The following FAM124B variants were observed in gnomAD, a reference collection of about 807,000 sequenced individuals.
FAM124B encodes family with sequence similarity 124 member B.
A neutral mutation model predicts 19.7 loss-of-function variants in FAM124B; 18 were observed. The ratio of observed to expected loss-of-function variants is 0.92; its 90% CI spans 0.63 to 1.36. The LOEUF is 1.36. Among genes scored for constraint, FAM124B ranks in the 40% most tolerant of loss-of-function variants. FAM124B has a pLI of 0.00. For synonymous variants in FAM124B, 223 were observed against 225.2 expected (o/e 0.99, Z 0.09); for missense variants, 540 against 553.3 (o/e 0.98, Z 0.24).
chr2:224,401,580 C>A lies in FAM124B; in HGVS notation c.189G>T (p.Arg63=), dbSNP rs773861371. ...AGAGCAACACGGACATCCCTGGAAA[C>A]CGGGACCGCTTGGAATGGGACTTTT... is the stretch of plus-strand genomic sequence containing the variant. ...YCEKSHSKRS[R]FPGMSVLLFL... Residue 63 remains arginine (R), a synonymous_variant, in exon 1 of 2, where the codon CGG becomes CGT. Transcript: ENST00000409685. 17 of 1,614,056 alleles carry A rather than the reference C, an allele frequency of 1.1e-5. No individual in the cohort carries two copies. The East Asian group carries it at 3.8e-4, about 36-fold the overall frequency.
chr2:224,401,974 G>C lies in FAM124B; in HGVS notation c.-206C>G, dbSNP rs968640124. 8.8e-6 allele frequency: 5 copies of C among 566,312 alleles called. No individual in the cohort carries two copies. Among genetic ancestry groups the C allele is most frequent in the South Asian group, 7.8e-5 (3 of 38,318 alleles). The allele number at this position is 566,312 out of a possible 1,614,324, so 35.1% of individuals were successfully genotyped here. A position where few individuals can be genotyped will look rare whatever the true frequency, so the allele number is the denominator to read the frequency against. On this transcript the variant is annotated 5_prime_UTR_variant, in exon 1 of 2. Coordinates refer to ENST00000409685, the MANE Select transcript of FAM124B (RefSeq NM_001122779.2). The stretch of plus-strand genomic sequence containing the variant: ...CGGCAAGAGAAGCTCACACCAGCTC[G>C]GGTTCAGCAGCCTCCCTCTCCACAC...
In FAM124B at chr2:224,401,233, G is replaced by C; in HGVS notation, c.536C>G (p.Ser179Cys). 1 of 1,614,136 alleles carries C rather than the reference G, an allele frequency of 6.2e-7. No homozygotes were observed. The highest frequency in any genetic ancestry group is 1.1e-5 in the South Asian group (1 of 91,076). Residue 179 changes from serine to cysteine, a missense_variant, in exon 1 of 2, where the codon TCC becomes TGC. Ser to Cys is a moderately radical substitution (Grantham distance 112, BLOSUM62 -1). Coordinates refer to ENST00000409685, the MANE Select transcript of FAM124B (RefSeq NM_001122779.2). ...SNFCFFVLYA[S>C]KSFALQLSLK... The stretch of plus-strand genomic sequence containing the variant: ...GGAGAGCTGCAGAGCAAAGCTCTTG[G>C]AGGCATAGAGCACGAAGAAACAAAA...
intron 1 of FAM124B, among the ~76,000 whole-genome samples, chr2:224,384,349 G>A (rs1689770002): frequency 6.6e-6 from 1 of 152,190 alleles, no homozygotes; most frequent in Non-Finnish European, 1.5e-5. Flanking sequence ...GCCTTTCAGA[G>A]TCAATTTGAG....
chr2:224,388,920 G>A (rs1395206161), intron 1 of FAM124B, among the ~76,000 whole-genome samples: 2 of 152,084 alleles, frequency 1.3e-5, no homozygotes, highest in African/African-American at 4.8e-5. Flanking sequence ...AAGTGAGGCG[G>A]CAAAGGGAGA....
intron 1 of FAM124B, chr2:224,399,833 G>A (rs1047696491): frequency 1.3e-5 from 2 of 152,092 alleles, no homozygotes; most frequent in Non-Finnish European, 2.9e-5. Context: ...TGAGTTCTTG[G>A]CACTATCTTA....
chr2:224,388,771 AT>A (rs1049585931), intron 1 of FAM124B, among the ~76,000 whole-genome samples: 15 of 152,098 alleles, frequency 9.9e-5, no homozygotes, highest in African/African-American at 1.9e-4. Flanking sequence ...GCCTTCCTAA[AT>A]TTTTTTTAAA....
intron 1 of FAM124B, among the ~76,000 whole-genome samples, chr2:224,386,964 G>C (rs896696683): frequency 2.2e-5 from 3 of 138,210 alleles, no homozygotes; most frequent in African/African-American, 7.4e-5. Flanking sequence ...ATCTTCTTAA[G>C]AGAGGGGAAT....
chr2:224,395,163 T>C (rs1689950683), intron 1 of FAM124B, among the ~76,000 whole-genome samples: 1 of 152,080 alleles, frequency 6.6e-6, no homozygotes. Flanking sequence ...ACCAAAGTCA[T>C]GGACTCTACC....
chr2:224,381,348 C>T (rs1466053742), intron 1 of FAM124B, among the ~76,000 whole-genome samples: 2 of 152,100 alleles, frequency 1.3e-5, no homozygotes, highest in African/African-American at 4.8e-5. Flanking sequence ...CCCAGCTATT[C>T]AGAAGGCAGA....
chr2:224,397,068 G>A (rs1400613025), intron 1 of FAM124B, among the ~76,000 whole-genome samples: 3 of 152,094 alleles, frequency 2.0e-5, no homozygotes, highest in East Asian at 1.9e-4. Flanking sequence ...TCTTCTTTTC[G>A]AAACAGAGTG....
At chr2:224,382,695 ATC>A (rs1689741698) in intron 1 of FAM124B, among the ~76,000 whole-genome samples, 2 of 152,094 alleles carry the variant, frequency 1.3e-5, no homozygotes, top group African/African-American at 4.8e-5. Flanking sequence ...GGAGTGAGCC[ATC>A]TCTCTATCTT....
rs115143062 is a variant in FAM124B, at chr2:224,378,753, G to A, written c.*820C>T. On this transcript the variant is annotated 3_prime_UTR_variant, in exon 2 of 2. Transcript: ENST00000409685. Reference sequence around the variant, plus strand: ...CATATATAAATGAATGAATGAGTGCGTTTTGTAAAGGAATCTGGGAGTCAA... The same window carrying A: ...CATATATAAATGAATGAATGAGTGCATTTTGTAAAGGAATCTGGGAGTCAA... The A allele has an allele frequency of 5.9e-4, 90 of 152,296 alleles. No individual in the cohort carries two copies. Among genetic ancestry groups the A allele is most frequent in the African/African-American group, 2.1e-3 (88 of 41,552 alleles). The allele number at this position is 152,296 out of a possible 1,614,324, so 9.4% of individuals were successfully genotyped here. A position where few individuals can be genotyped will look rare whatever the true frequency, so the allele number is the denominator to read the frequency against.
rs1413377298 is a variant in FAM124B at position 224,401,838 on chromosome 2, T to A, written c.-70A>T. ...CCACTGTTCAAGTTTCTGAAATGAA[T>A]GAAGAAGCGGCCCAGCCTTCAGCCC... On this transcript the variant is annotated 5_prime_UTR_variant, in exon 1 of 2. Transcript: ENST00000409685. 1.3e-6 allele frequency: 2 copies of A among 1,527,038 alleles called. No homozygotes were observed. Among genetic ancestry groups the A allele is most frequent in the Non-Finnish European group, 1.8e-6 (2 of 1,136,466 alleles). The allele number at this position is 1,527,038 out of a possible 1,614,324, so 94.6% of individuals were successfully genotyped here. A position where few individuals can be genotyped will look rare whatever the true frequency, so the allele number is the denominator to read the frequency against.
Position 224,393,880 on chromosome 2 carries a change from T to C in FAM124B, c.732+7157A>G, listed in dbSNP as rs560234337. 5.9e-5 allele frequency among the ~76,000 whole-genome samples: 9 copies of C among 152,312 alleles called. No homozygotes were observed. In the South Asian group the frequency reaches 6.2e-4, roughly 11 times the overall value. ...TCAGCAGTGTTTGGGGACGGTTCCA[T>C]AAGCCCGGAGTGGTGGTAGCAGCAG... is the stretch of plus-strand genomic sequence containing the variant. On this transcript the variant is annotated intron_variant, in intron 1 of 1. Transcript: ENST00000409685.
At position 224,380,185 on chromosome 2, in the gene FAM124B, A is replaced by T. The variant is rs74519948; in HGVS notation, c.756T>A (p.Gly252=). ...CAGCTCCCAAGATGCCATTCTTAAC[A>T]CCAAGTTCTGGATTCAGCTGAACCT... ...LLQVQLNPEL[G]VKNGILGAGM... Residue 252 remains glycine, a synonymous_variant, in exon 2 of 2, where the codon GGT becomes GGA. Transcript: ENST00000409685. The T allele has an allele frequency of 1.3e-6, 2 of 1,548,482 alleles. No homozygotes were observed. Among genetic ancestry groups the T allele is most frequent in the East Asian group, 4.9e-5 (2 of 40,830 alleles).
At chr2:224,398,309 G>A (rs1690008061) in intron 1 of FAM124B, among the ~76,000 whole-genome samples, 1 of 152,064 alleles carries the variant, frequency 6.6e-6, no homozygotes, top group South Asian at 2.1e-4. Flanking sequence ...TGTTGGCCAG[G>A]CTGGTCTCAA....
At chr2:224,381,914 G>C (rs1689725211) in intron 1 of FAM124B, among the ~76,000 whole-genome samples, 1 of 152,212 alleles carries the variant, frequency 6.6e-6, no homozygotes, top group East Asian at 1.9e-4. Flanking sequence ...CAAGAAGGCA[G>C]AAATGAGGAC....
rs1158120018 is a variant in FAM124B, at chr2:224,401,428, T to C, written c.341A>G (p.Gln114Arg). The C allele has an allele frequency of 6.2e-7, 1 of 1,613,986 alleles. No individual in the cohort carries two copies. Among genetic ancestry groups the C allele is most frequent in the African/African-American group, 1.3e-5 (1 of 75,006 alleles). ...CTGACTGTCCAGGCTGTAGAACTCC[T>C]GATTGGCAAAAAAGTAGGGACACAG... The part of the protein sequence containing the change: ...GRLCPYFFAN[Q>R]EFYSLDSQLP... The change falls in exon 1 of 2, where the codon CAG becomes CGG. Residue 114 changes from glutamine (Q) to arginine (R), a missense_variant. Gln to Arg is a conservative substitution (Grantham distance 43). Transcript: ENST00000409685.
chr2:224,393,907 T>TA (rs1689927863), intron 1 of FAM124B, among the ~76,000 whole-genome samples: 1 of 152,120 alleles, frequency 6.6e-6, no homozygotes, highest in African/African-American at 2.4e-5. Context: ...TAGCAGCAGT[T>TA]ACTGGTGGAG....
Sources: allele counts gnomAD v4.1 joint callset (sites outside exome capture counted in the v4.1 genomes callset), GRCh38; gene constraint gnomAD v4.1.1; transcripts MANE v1.5; gene names NCBI Gene and HGNC (gene_info 2026-07-23, HGNC 2026-07-21).